Variants in B3GAT1 observed in about 807,000 individuals in gnomAD.
B3GAT1 encodes beta-1,3-glucuronyltransferase 1.
B3GAT1 carries 11 observed loss-of-function variants against 28.4 expected under a neutral mutation model. That is an observed-to-expected ratio of 0.39 (90% confidence interval 0.24 to 0.64). B3GAT1 has a LOEUF of 0.64. Among genes scored for constraint, B3GAT1 ranks in the 30% least tolerant of loss-of-function variants. B3GAT1 has a pLI of 0.50. For missense variants in B3GAT1, 375 were observed against 491.0 expected, an observed-to-expected ratio of 0.76 and a Z score of 2.23; for synonymous variants, 255 against 223.1, an observed-to-expected ratio of 1.14 and a Z score of -1.27.
chr11:134,384,537 C>A, intron 2 of B3GAT1: 1 of 315,144 alleles, frequency 3.2e-6, no homozygotes, highest in South Asian at 7.4e-5. Flanking sequence ...CTCCCTAGCC[C>A]TACTCATCTG....
In B3GAT1 at chr11:134,383,818, T is replaced by C; in HGVS notation, c.483A>G (p.Pro161=). 1.3e-6 allele frequency: 2 copies of C among 1,596,284 alleles called. No homozygotes were observed. Among genetic ancestry groups the C allele is most frequent in the Admixed American group, 1.7e-5 (1 of 58,374 alleles). ...NYKLRGDARD[P]RIPRGTMQRN... ...GCTGCATGGTGCCCCGCGGGATGCG[T>C]GGGTCGCGGGCGTCTCCGCGCAGCT... The change falls in exon 3 of 6, where the codon CCA becomes CCG. Residue 161 remains proline (P), a synonymous_variant. Transcript: ENST00000312527.
chr11:134,399,402 C>A (rs551120879), intron 1 of B3GAT1, among the ~76,000 whole-genome samples: 1 of 152,348 alleles, frequency 6.6e-6, no homozygotes, highest in South Asian at 2.1e-4. Context: ...GCTCAGGACA[C>A]CCATGGGTGG....
At chr11:134,391,423 G>A (rs1192039810) in intron 1 of B3GAT1, 2 of 152,282 alleles carry the variant, frequency 1.3e-5, no homozygotes, top group African/African-American at 2.4e-5. Flanking sequence ...GGGGCTGCAA[G>A]GTTGGCCAGC....
chr11:134,397,705 C>G (rs950967491), intron 1 of B3GAT1, among the ~76,000 whole-genome samples: 1 of 152,248 alleles, frequency 6.6e-6, no homozygotes, highest in Non-Finnish European at 1.5e-5. Context: ...GATGCCCAAG[C>G]GCAAACCAGG....
Position 134,383,865 on chromosome 11 carries a change from C to A in B3GAT1, c.436G>T (p.Val146Leu), listed in dbSNP as rs756379633. Residue 146 changes from valine to leucine, a missense_variant, in exon 3 of 6, where the codon GTG becomes TTG. Coordinates refer to ENST00000312527, the MANE Select transcript of B3GAT1 (RefSeq NM_054025.3). Reference protein sequence around the residue: ...DTGLNYTHLHVETPRNYKLRG... With the variant: ...DTGLNYTHLHLETPRNYKLRG... ...AGCTTGTAGTTGCGGGGCGTCTCCA[C>A]GTGCAGGTGCGTGTAGTTGAGGCCG... is the stretch of plus-strand genomic sequence containing the variant. 1 of 1,596,114 alleles carries A rather than the reference C, an allele frequency of 6.3e-7. No individual in the cohort carries two copies. The highest frequency in any genetic ancestry group is 1.1e-5 in the South Asian group (1 of 89,998).
At chr11:134,394,333 A>G (rs74622686) in intron 1 of B3GAT1, among the ~76,000 whole-genome samples, 21,965 of 152,240 alleles carry the variant, frequency 0.14, 1,753 homozygotes, top group African/African-American at 0.2. Flanking sequence ...TGAGGACACC[A>G]AAGCTCAGAG....
In B3GAT1 at chr11:134,387,956, G is replaced by A; in HGVS notation, c.-281-16C>T. ...GGGTGGACACCTGCAAGAGAGAGCAGAAGCGGATAGCCAGAGACCCAGGTA... is the reference window on the plus strand; with the variant it reads ...GGGTGGACACCTGCAAGAGAGAGCAAAAGCGGATAGCCAGAGACCCAGGTA... On this transcript the variant is annotated splice_polypyrimidine_tract_variant and intron_variant, in intron 1 of 5. Transcript: ENST00000312527. 1 of 1,151,682 alleles carries A rather than the reference G, an allele frequency of 8.7e-7. No individual in the cohort carries two copies. The highest frequency in any genetic ancestry group is 1.2e-6 in the Non-Finnish European group (1 of 827,294). The allele number at this position is 1,151,682 out of a possible 1,614,324, so 71.3% of individuals were successfully genotyped here.
chr11:134,381,391 G>A (rs1389348609), intron 5 of B3GAT1, among the ~76,000 whole-genome samples: 1 of 152,218 alleles, frequency 6.6e-6, no homozygotes, highest in Non-Finnish European at 1.5e-5. Context: ...TGAAGAAACT[G>A]AGGCCCAGAA....
At chr11:134,394,692 C>T (rs541793723) in intron 1 of B3GAT1, among the ~76,000 whole-genome samples, 14 of 152,240 alleles carry the variant, frequency 9.2e-5, no homozygotes, top group African/African-American at 2.2e-4. Flanking sequence ...TGCAGGCTCA[C>T]GCTTGGGACT....
At chr11:134,382,437 G>A (rs570775628) in intron 4 of B3GAT1, among the ~76,000 whole-genome samples, 17 of 152,358 alleles carry the variant, frequency 1.1e-4, no homozygotes, top group Admixed American at 6.5e-4. Flanking sequence ...GTGTGCACGC[G>A]TAGGCATGTG....
intron 1 of B3GAT1, among the ~76,000 whole-genome samples, chr11:134,395,758 G>A (rs1233998323): frequency 1.3e-5 from 2 of 152,156 alleles, no homozygotes; most frequent in South Asian, 2.1e-4. Flanking sequence ...CCCAAGACAA[G>A]TATATTCATT....
intron 1 of B3GAT1, among the ~76,000 whole-genome samples, chr11:134,409,227 A>G (rs1418655900): frequency 1.3e-5 from 2 of 152,190 alleles, no homozygotes; most frequent in African/African-American, 4.8e-5. Context: ...GACCTCAGAC[A>G]GCCTGGCCAA....
In B3GAT1 at chr11:134,380,120, C is replaced by T. The variant is rs980835455; in HGVS notation, c.*642G>A. The T allele has an allele frequency of 2.0e-5, 3 of 152,456 alleles. No homozygotes were observed. Among genetic ancestry groups the T allele is most frequent in the Admixed American group, 1.3e-4 (2 of 15,284 alleles). 9.4% of individuals were successfully genotyped at this position (152,456 alleles called of 1,614,324 possible). A position where few individuals can be genotyped will look rare whatever the true frequency, so the allele number is the denominator to read the frequency against. On this transcript the variant is annotated 3_prime_UTR_variant, in exon 6 of 6. Coordinates refer to ENST00000312527, the MANE Select transcript of B3GAT1 (RefSeq NM_054025.3). ...GTGCCTATTAGGCCCAGGCTCCCCC[C>T]ATGCAGGGCTGGGTGCCTGTTGGGA...
At chr11:134,397,840 G>T (rs1026730145) in intron 1 of B3GAT1, among the ~76,000 whole-genome samples, 6 of 152,128 alleles carry the variant, frequency 3.9e-5, no homozygotes, top group Admixed American at 6.5e-5. Context: ...TGCGTGTGGG[G>T]GTATACCTGG....
chr11:134,406,197 G>C (rs1008701104), intron 1 of B3GAT1, among the ~76,000 whole-genome samples: 5 of 152,342 alleles, frequency 3.3e-5, no homozygotes, highest in African/African-American at 2.4e-5. Flanking sequence ...AGACCAGGGA[G>C]GGGTGAGCCC....
intron 1 of B3GAT1, among the ~76,000 whole-genome samples, chr11:134,404,027 A>ATATATATATATATTTATTTATT (rs1555098477): frequency 9.4e-6 from 1 of 106,762 alleles, no homozygotes; most frequent in African/African-American, 3.9e-5. Context: ...ATATATATAT[A>ATATATATATATATTTATTTATT]TATTTATTAT....
In B3GAT1 at chr11:134,385,128, C is replaced by T. The variant is rs982764504; in HGVS notation, c.113-940G>A. ...TGTAAAATGGAGCTAATAATAGCAT[C>T]GAACTTATCGAGTTATTATGTGGAT... On this transcript the variant is annotated intron_variant, in intron 2 of 5. Transcript: ENST00000312527. 5.9e-5 allele frequency: 9 copies of T among 152,310 alleles called. No individual in the cohort carries two copies. The South Asian group carries it at 6.2e-4, about 11-fold the overall frequency. 9.4% of individuals were successfully genotyped at this position (152,310 alleles called of 1,614,324 possible).
intron 1 of B3GAT1, among the ~76,000 whole-genome samples, chr11:134,409,201 G>T (rs989669333): frequency 6.6e-6 from 1 of 152,218 alleles, no homozygotes; most frequent in African/African-American, 2.4e-5. Flanking sequence ...GCTAGCCACA[G>T]ATGGAGATGA....
chr11:134,399,156 G>T (rs1591646421), intron 1 of B3GAT1, among the ~76,000 whole-genome samples: 1 of 152,196 alleles, frequency 6.6e-6, no homozygotes, highest in Non-Finnish European at 1.5e-5. Context: ...CCTGTTCAGA[G>T]GTTTCCCCAC....
Sources: allele counts gnomAD v4.1 joint callset (sites outside exome capture counted in the v4.1 genomes callset), GRCh38; gene constraint gnomAD v4.1.1; transcripts MANE v1.5; gene names NCBI Gene and HGNC (gene_info 2026-07-23, HGNC 2026-07-21).